Variants in L3MBTL3 observed in about 807,000 individuals in gnomAD.
L3MBTL3 encodes L3MBTL histone methyl-lysine binding protein 3.
Under a neutral mutation model 102.3 loss-of-function variants are expected in L3MBTL3, and 27 were observed. That is an observed-to-expected ratio of 0.26 (90% CI 0.19 to 0.36). L3MBTL3 has a LOEUF of 0.36. L3MBTL3 is among the 10% of genes least tolerant of loss of function. The probability of loss-of-function intolerance (pLI) is 1.00; values close to 1 mark genes in which losing one functional copy is unlikely to be tolerated. For missense variants in L3MBTL3, 798 were observed against 955.3 expected, an observed-to-expected ratio of 0.84 and a Z score of 2.17; for synonymous variants, 340 against 320.9, an observed-to-expected ratio of 1.06 and a Z score of -0.64.
intron 13 of L3MBTL3, among the ~76,000 whole-genome samples, chr6:130,078,014 G>A (rs1490018597): frequency 6.6e-6 from 1 of 152,118 alleles, no homozygotes; most frequent in African/African-American, 2.4e-5. Flanking sequence ...AAAAATAGAT[G>A]CTTGACTGTA....
chr6:130,092,124 G>A (rs2115224917), intron 16 of L3MBTL3, among the ~76,000 whole-genome samples: 1 of 152,074 alleles, frequency 6.6e-6, no homozygotes, highest in East Asian at 1.9e-4. Context: ...CTTCAGAAAT[G>A]TATACCCATA....
chr6:130,071,052 T>C lies in L3MBTL3; in HGVS notation c.1169T>C (p.Val390Ala). 1 of 1,613,150 alleles carries C rather than the reference T, an allele frequency of 6.2e-7. No homozygotes were observed. The highest frequency in any genetic ancestry group is 8.5e-7 in the Non-Finnish European group (1 of 1,179,198). Residue 390 changes from valine to alanine, a missense_variant, in exon 13 of 23, where the codon GTT becomes GCT. This residue lies in a region of L3MBTL3 where 434 missense variants were observed against 506.6 expected (regional missense o/e 0.86). Coordinates refer to ENST00000361794, the MANE Select transcript of L3MBTL3 (RefSeq NM_032438.4). Reference protein sequence around the residue: ...VDKKNPSFICVATVTDMVDNR... With the variant: ...VDKKNPSFICAATVTDMVDNR... ...AAAAAGAATCCCTCATTCATCTGTG[T>C]TGCTACGGTAACAGATATGGTGGAC...
chr6:130,028,556 A>G (rs1779506190), intron 2 of L3MBTL3, among the ~76,000 whole-genome samples: 2 of 152,202 alleles, frequency 1.3e-5, no homozygotes, highest in Admixed American at 1.3e-4. Flanking sequence ...CCTAAAATCT[A>G]TGAACTTAGG....
chr6:130,085,776 T>G (rs1216019628), intron 15 of L3MBTL3, among the ~76,000 whole-genome samples: 1 of 152,142 alleles, frequency 6.6e-6, no homozygotes, highest in African/African-American at 2.4e-5. Context: ...TTTATTTTTT[T>G]GAGACAGTCT....
chr6:130,054,583 T>G (rs1781340778), intron 7 of L3MBTL3, among the ~76,000 whole-genome samples: 2 of 152,182 alleles, frequency 1.3e-5, no homozygotes. Flanking sequence ...AACAATTGGC[T>G]GGATAATCCT....
Position 130,092,731 on chromosome 6 carries a change from C to G in L3MBTL3, c.1519-14C>G, listed in dbSNP as rs761761888. The G allele has an allele frequency of 5.2e-6, 8 of 1,536,172 alleles. No homozygotes were observed. The highest frequency in any genetic ancestry group is 1.1e-5 in the South Asian group (1 of 89,260). ...TGACTTAATTTGTACTGTTAATGTC[C>G]TTGTGTCATCCAGGTTCACTTTGAT... On this transcript the variant is annotated splice_polypyrimidine_tract_variant and intron_variant, in intron 16 of 22. Transcript: ENST00000361794.
rs747980992 is a variant in L3MBTL3 at position 130,057,502 on chromosome 6, G to C, written c.759+5G>C. 53 of 1,601,520 alleles carry C rather than the reference G, an allele frequency of 3.3e-5. No homozygotes were observed. Among genetic ancestry groups the C allele is most frequent in the Non-Finnish European group, 4.4e-5 (52 of 1,174,572 alleles). On this transcript the variant is annotated splice_donor_5th_base_variant and intron_variant, in intron 9 of 22. Coordinates refer to ENST00000361794, the MANE Select transcript of L3MBTL3 (RefSeq NM_032438.4). Reference sequence around the variant, plus strand: ...CCGGCGAAGCTGTTCAAGGAGGTACGGGCCCTTCTAGAGACGTGATCTGTA... The same window carrying C: ...CCGGCGAAGCTGTTCAAGGAGGTACCGGCCCTTCTAGAGACGTGATCTGTA...
chr6:130,093,428 A>G (rs1037751440), intron 17 of L3MBTL3, among the ~76,000 whole-genome samples: 3 of 152,186 alleles, frequency 2.0e-5, no homozygotes, highest in African/African-American at 7.2e-5. Flanking sequence ...AATTATTATC[A>G]AGTTTTTAAA....
At chr6:130,107,441 T>C (rs1023372943) in intron 19 of L3MBTL3, among the ~76,000 whole-genome samples, 1 of 152,204 alleles carries the variant, frequency 6.6e-6, no homozygotes, top group African/African-American at 2.4e-5. Context: ...TCCTGAGCTT[T>C]CTGTTTAACT....
At chr6:130,115,590 G>T (rs909354260) in intron 19 of L3MBTL3, among the ~76,000 whole-genome samples, 3 of 152,130 alleles carry the variant, frequency 2.0e-5, no homozygotes, top group African/African-American at 7.2e-5. Flanking sequence ...TCTAATGTCT[G>T]TTTTACTAAT....
At chr6:130,102,912 T>G (rs190785962) in intron 18 of L3MBTL3, among the ~76,000 whole-genome samples, 1 of 152,374 alleles carries the variant, frequency 6.6e-6, no homozygotes, top group African/African-American at 2.4e-5. Context: ...GTACTGCCGA[T>G]CTCCCCCTGG....
At position 130,133,698 on chromosome 6, in the gene L3MBTL3, G is replaced by A. The variant is rs189285833; in HGVS notation, c.2136+77G>A. ...AAGAGGTGTGGAACATTGAGCGTAG[G>A]TAGCGTTTAGTCTTTTTTTTTCTGA... On this transcript the variant is annotated intron_variant, in intron 21 of 22. Transcript: ENST00000361794. The surrounding 1 kb of genome is among the most constrained non-coding windows in gnomAD (Gnocchi z 4.9). 2,494 of 1,548,102 alleles carry A rather than the reference G, an allele frequency of 1.6e-3. 5 individuals are homozygous for A. The highest frequency in any genetic ancestry group is 2.0e-3 in the Non-Finnish European group (2,256 of 1,133,908).
chr6:130,107,484 A>G lies in L3MBTL3; in HGVS notation c.1886+2909A>G, dbSNP rs181907572. Reference sequence around the variant, plus strand: ...ATTTAATGCCTTAAAACCTAGAGGTAGCAAGTAATCTCATCTTCATTGAAG... The same window carrying G: ...ATTTAATGCCTTAAAACCTAGAGGTGGCAAGTAATCTCATCTTCATTGAAG... On this transcript the variant is annotated intron_variant, in intron 19 of 22. Transcript: ENST00000361794. Among the ~76,000 whole-genome samples, 49 of 152,346 alleles carry G rather than the reference A, an allele frequency of 3.2e-4. 1 individual carries two copies. The highest frequency in any genetic ancestry group is 3.1e-3 in the Admixed American group (48 of 15,308).
chr6:130,102,100 GGA>G (rs1784729759), intron 18 of L3MBTL3, among the ~76,000 whole-genome samples: 2 of 148,996 alleles, frequency 1.3e-5, no homozygotes, highest in African/African-American at 5.0e-5. Context: ...TATCTCAGGG[GGA>G]AAAAAAAAAG....
chr6:130,019,862 G>A (rs1343575141), intron 1 of L3MBTL3, among the ~76,000 whole-genome samples: 1 of 139,336 alleles, frequency 7.2e-6, no homozygotes, highest in East Asian at 2.2e-4. Flanking sequence ...GTCCGCGCGG[G>A]AGAGGGCGCG....
At chr6:130,022,340 T>TA (rs1464261751) in intron 2 of L3MBTL3, 35 bp downstream of exon 2, 2 of 152,236 alleles carry the variant, frequency 1.3e-5, no homozygotes, top group Non-Finnish European at 2.9e-5. Flanking sequence ...TTGCTTGACA[T>TA]ACCTGCAAAT....
In L3MBTL3 at chr6:130,094,308, A is replaced by T. The variant is rs1784225865; in HGVS notation, c.1677A>T (p.Ser559=). Residue 559 remains serine, a synonymous_variant, in exon 18 of 23, where the codon TCA becomes TCT. Coordinates refer to ENST00000361794, the MANE Select transcript of L3MBTL3 (RefSeq NM_032438.4). The stretch of plus-strand genomic sequence containing the variant: ...AAGCTTCAGAACATGGTGGATGCTC[A>T]ACCCCGGGATGTAAAGGGATTGGCC... ...LMEASEHGGC[S]TPGCKGIGHF... The T allele has an allele frequency of 6.2e-7, 1 of 1,613,768 alleles. No homozygotes were observed. Among genetic ancestry groups the T allele is most frequent in the Admixed American group, 1.7e-5 (1 of 59,970 alleles).
At chr6:130,086,603 T>G (rs1349523821) in intron 16 of L3MBTL3, among the ~76,000 whole-genome samples, 1 of 152,170 alleles carries the variant, frequency 6.6e-6, no homozygotes, top group Non-Finnish European at 1.5e-5. Flanking sequence ...GTGGGGTAGA[T>G]TAGAAGTAGT....
At position 130,049,843 on chromosome 6, in the gene L3MBTL3, C is replaced by G; in HGVS notation, c.289+13C>G. 6.2e-7 allele frequency: 1 copy of G among 1,606,884 alleles called. No homozygotes were observed. The highest frequency in any genetic ancestry group is 8.5e-7 in the Non-Finnish European group (1 of 1,177,072). ...GGATGTCCCACAGGTACCTCAAACT[C>G]CACATGTCTGAAATGCAATTCATTT... On this transcript the variant is annotated intron_variant, in intron 5 of 22. Coordinates refer to ENST00000361794, the MANE Select transcript of L3MBTL3 (RefSeq NM_032438.4).
Sources: allele counts gnomAD v4.1 joint callset (sites outside exome capture counted in the v4.1 genomes callset), GRCh38; gene constraint gnomAD v4.1.1; regional missense constraint gnomAD v4.1.1; non-coding constraint Gnocchi (gnomAD v3.1); transcripts MANE v1.5; gene names NCBI Gene and HGNC (gene_info 2026-07-23, HGNC 2026-07-21).